The following KCNN2 variants were observed in gnomAD, a reference collection of about 807,000 sequenced individuals.
KCNN2 encodes the protein small conductance calcium-activated potassium channel protein 2.
Under a neutral mutation model 55.5 loss-of-function variants are expected in KCNN2, and 24 were observed. The ratio of observed to expected loss-of-function variants is 0.43; its 90% CI spans 0.31 to 0.61. The LOEUF (loss-of-function observed/expected upper bound fraction) is 0.61. Among genes scored for constraint, KCNN2 ranks in the 20% least tolerant of loss-of-function variants. The pLI is 0.08. For synonymous variants in KCNN2, 431 were observed against 336.1 expected (o/e 1.28, Z -3.09); for missense variants, 754 against 853.6 (o/e 0.88, Z 1.45).
chr5:114,487,185 T>A lies in KCNN2; in HGVS notation c.2018+8T>A. 1 of 1,611,282 alleles carries A rather than the reference T, an allele frequency of 6.2e-7. No individual in the cohort carries two copies. Among genetic ancestry groups the A allele is most frequent in the South Asian group, 1.1e-5 (1 of 90,942 alleles). ...CCTGCAAGCTATTCATCAGTAAGTA[T>A]CATTTTTCATTTTTATCCTGTTGTT... On this transcript the variant is annotated splice_region_variant and intron_variant, in intron 6 of 7. Transcript: ENST00000673685.
chr5:114,274,460 A>G (rs376034339), intron 2 of KCNN2, among the ~76,000 whole-genome samples: 1 of 152,132 alleles, frequency 6.6e-6, no homozygotes, highest in East Asian at 1.9e-4. Flanking sequence ...GATTTTTCCT[A>G]TCCATGAGCA....
At chr5:114,446,873 G>T (rs1461175083) in intron 3 of KCNN2, among the ~76,000 whole-genome samples, 6 of 152,164 alleles carry the variant, frequency 3.9e-5, no homozygotes, top group Non-Finnish European at 7.3e-5. Context: ...CTGCGCTCCA[G>T]ACTGGGTGAC....
chr5:114,294,632 A>G (rs908437391), intron 2 of KCNN2, among the ~76,000 whole-genome samples: 80 of 152,244 alleles, frequency 5.3e-4, no homozygotes, highest in African/African-American at 1.8e-3. Context: ...CAGTTTTGGA[A>G]TAGGTGTGGT....
At chr5:114,152,034 A>G (rs1363139489) in intron 1 of KCNN2, among the ~76,000 whole-genome samples, 1 of 152,202 alleles carries the variant, frequency 6.6e-6, no homozygotes, top group Non-Finnish European at 1.5e-5. Context: ...TTTTCAGTTT[A>G]TATATTTCTT....
chr5:114,216,559 A>C (rs1309341311), intron 1 of KCNN2, among the ~76,000 whole-genome samples: 1 of 152,184 alleles, frequency 6.6e-6, no homozygotes, highest in Non-Finnish European at 1.5e-5. Flanking sequence ...AGAATTTATC[A>C]ATAGATACAG....
chr5:114,270,006 A>T (rs1755293550), intron 2 of KCNN2, among the ~76,000 whole-genome samples: 2 of 152,342 alleles, frequency 1.3e-5, no homozygotes, highest in East Asian at 1.9e-4. Flanking sequence ...TCATAAGAAC[A>T]TGCTGATCTC....
intron 4 of KCNN2, among the ~76,000 whole-genome samples, chr5:114,468,696 C>G (rs896848951): frequency 1.3e-5 from 2 of 152,040 alleles, no homozygotes; most frequent in East Asian, 3.9e-4. Flanking sequence ...AGTAAAAATT[C>G]TGGAATTTGT....
intron 2 of KCNN2, among the ~76,000 whole-genome samples, chr5:114,386,123 G>C (rs969217894): frequency 6.6e-6 from 1 of 151,094 alleles, no homozygotes. Flanking sequence ...CAGAGCTTGC[G>C]GTGAGCCGAG....
intron 2 of KCNN2, among the ~76,000 whole-genome samples, chr5:114,352,251 G>C (rs1250841728): frequency 6.6e-6 from 1 of 151,356 alleles, no homozygotes; most frequent in East Asian, 1.9e-4. Context: ...TTTCTGTAAG[G>C]TTAGTAGTGA....
At chr5:114,412,702 C>T (rs950134427) in intron 3 of KCNN2, among the ~76,000 whole-genome samples, 1 of 152,172 alleles carries the variant, frequency 6.6e-6, no homozygotes, top group Non-Finnish European at 1.5e-5. Context: ...ACCCAGAGGC[C>T]TAGCCTACTC....
chr5:114,494,748 T>G (rs1240973218), intron 7 of KCNN2, among the ~76,000 whole-genome samples: 1 of 152,160 alleles, frequency 6.6e-6, no homozygotes, highest in African/African-American at 2.4e-5. Context: ...AGTATTTTCT[T>G]AAATGAATGG....
intron 1 of KCNN2, among the ~76,000 whole-genome samples, chr5:114,182,020 A>C (rs1446706150): frequency 6.6e-6 from 1 of 152,180 alleles, no homozygotes; most frequent in East Asian, 1.9e-4. Context: ...TGTCAAAAAA[A>C]AAAATTAATT....
At chr5:114,237,930 A>G (rs1177651224) in intron 2 of KCNN2, among the ~76,000 whole-genome samples, 2 of 152,132 alleles carry the variant, frequency 1.3e-5, no homozygotes, top group Non-Finnish European at 2.9e-5. Context: ...ATAGGAAGAG[A>G]TGGATGGAGG....
chr5:114,150,186 G>C (rs867502663), intron 1 of KCNN2, among the ~76,000 whole-genome samples: 3 of 152,210 alleles, frequency 2.0e-5, no homozygotes, highest in Non-Finnish European at 2.9e-5. Flanking sequence ...GGAACATTTC[G>C]TCTTGTATTC....
At chr5:114,381,591 G>T (rs537567087) in intron 2 of KCNN2, among the ~76,000 whole-genome samples, 1 of 152,318 alleles carries the variant, frequency 6.6e-6, no homozygotes, top group African/African-American at 2.4e-5. Flanking sequence ...ATCACAGCAT[G>T]TCCTACTGTG....
intron 1 of KCNN2, among the ~76,000 whole-genome samples, chr5:114,103,634 A>C (rs1394586901): frequency 6.6e-6 from 1 of 152,116 alleles, no homozygotes; most frequent in African/African-American, 2.4e-5. Context: ...TTTAGCATGA[A>C]GGGGTGTTGA....
At chr5:114,464,348 T>A (rs1367083722) in intron 4 of KCNN2, among the ~76,000 whole-genome samples, 3 of 152,234 alleles carry the variant, frequency 2.0e-5, no homozygotes, top group Non-Finnish European at 2.9e-5. Context: ...ATCTTGATCC[T>A]TGTGTGGTTT....
chr5:114,242,632 A>G (rs1416168468), intron 2 of KCNN2, among the ~76,000 whole-genome samples: 1 of 152,196 alleles, frequency 6.6e-6, no homozygotes, highest in Non-Finnish European at 1.5e-5. Context: ...AAGCAACTTC[A>G]GAGTAAATGT....
At chr5:114,148,306 T>C (rs1395080373) in intron 1 of KCNN2, among the ~76,000 whole-genome samples, 10 of 152,182 alleles carry the variant, frequency 6.6e-5, no homozygotes, top group Non-Finnish European at 1.2e-4. Context: ...TTAACAGCTC[T>C]TAAGTCTGTT....
Sources: allele counts gnomAD v4.1 joint callset (sites outside exome capture counted in the v4.1 genomes callset), GRCh38; gene constraint gnomAD v4.1.1; transcripts MANE v1.5; gene names NCBI Gene and HGNC (gene_info 2026-07-23, HGNC 2026-07-21).